Variants in NRG1 observed in about 807,000 individuals in gnomAD.
NRG1 encodes pro-neuregulin-1, membrane-bound isoform.
Under a neutral mutation model 63.8 loss-of-function variants are expected in NRG1, and 18 were observed. That is an observed-to-expected ratio of 0.28 (90% CI 0.19 to 0.42). The LOEUF (loss-of-function observed/expected upper bound fraction) is 0.42, where lower values mean the gene tolerates loss of function less well. Among genes scored for constraint, NRG1 ranks in the 10% least tolerant of loss-of-function variants. The pLI is 1.00. For synonymous variants in NRG1, 302 were observed against 301.3 expected, an observed-to-expected ratio of 1.00 and a Z score of -0.02; for missense variants, 762 against 814.7, an observed-to-expected ratio of 0.94 and a Z score of 0.79.
chr8:32,134,873 C>A (rs1835304760), intron 1 of NRG1, among the ~76,000 whole-genome samples: 1 of 152,036 alleles, frequency 6.6e-6, no homozygotes, highest in African/African-American at 2.4e-5. Flanking sequence ...TAGAGTGAGA[C>A]CCTGTCTCTA....
chr8:31,920,332 A>G (rs1833796383), intron 1 of NRG1, among the ~76,000 whole-genome samples: 1 of 152,172 alleles, frequency 6.6e-6, no homozygotes, highest in African/African-American at 2.4e-5. Context: ...TGTACATTCT[A>G]AATAGTAAAA....
intron 1 of NRG1, among the ~76,000 whole-genome samples, chr8:32,359,872 G>A (rs1000490425): frequency 6.6e-6 from 1 of 152,110 alleles, no homozygotes; most frequent in Non-Finnish European, 1.5e-5. Context: ...GAAAGATGAA[G>A]GGCCAGAGAT....
intron 1 of NRG1, among the ~76,000 whole-genome samples, chr8:31,771,989 C>G (rs1420556461): frequency 6.6e-6 from 1 of 152,196 alleles, no homozygotes; most frequent in Non-Finnish European, 1.5e-5. Context: ...AAACCTAGGT[C>G]AAGCCTGTTC....
chr8:32,233,563 A>ATATATAT (rs34593729), intron 1 of NRG1, among the ~76,000 whole-genome samples: 9,476 of 66,398 alleles, frequency 0.14, 942 homozygotes, highest in Admixed American at 0.18. Flanking sequence ...ATATATATAT[A>ATATATAT]TTTTTTTTTT....
chr8:32,380,390 T>C (rs1810197357), intron 1 of NRG1, among the ~76,000 whole-genome samples: 1 of 152,272 alleles, frequency 6.6e-6, no homozygotes, highest in South Asian at 2.1e-4. Flanking sequence ...ATATGCTCTT[T>C]TTAGGTGACC....
At chr8:32,762,038 C>CAAAAAAAAAAAAAAAAAAAAAAAAAAAA (rs11407724) in intron 11 of NRG1, among the ~76,000 whole-genome samples, 2 of 81,478 alleles carry the variant, frequency 2.5e-5, no homozygotes, top group African/African-American at 5.5e-5. Context: ...GACTCCGCCT[C>CAAAAAAAAAAAAAAAAAAAAAAAAAAAA]AAAAAAAAAA....
At chr8:31,922,585 T>C in intron 1 of NRG1, among the ~76,000 whole-genome samples, 1 of 152,302 alleles carries the variant, frequency 6.6e-6, no homozygotes, top group East Asian at 1.9e-4. Flanking sequence ...TTTTATGGGT[T>C]GAGCCTTTGA....
chr8:32,521,570 A>G (rs1830348085), intron 1 of NRG1, among the ~76,000 whole-genome samples: 1 of 152,218 alleles, frequency 6.6e-6, no homozygotes, highest in African/African-American at 2.4e-5. Context: ...AAACTCAAAG[A>G]CAGAGAAGGT....
At chr8:32,179,433 TGAAG>T (rs1175577930) in intron 1 of NRG1, among the ~76,000 whole-genome samples, 1 of 152,202 alleles carries the variant, frequency 6.6e-6, no homozygotes, top group African/African-American at 2.4e-5. Context: ...TTTCTACTAC[TGAAG>T]GATTTTCGTC....
chr8:31,998,040 G>A (rs2129633656), intron 1 of NRG1, among the ~76,000 whole-genome samples: 1 of 152,058 alleles, frequency 6.6e-6, no homozygotes, highest in Admixed American at 6.6e-5. Flanking sequence ...TTTTATAAAT[G>A]ACTTTTCTCA....
intron 1 of NRG1, among the ~76,000 whole-genome samples, chr8:32,106,853 T>C (rs1831331420): frequency 6.6e-6 from 1 of 152,204 alleles, no homozygotes; most frequent in South Asian, 2.1e-4. Flanking sequence ...TATTCATCTC[T>C]GTAAATATGA....
exon 12 of NRG1, chr8:32,764,354 G>C (rs1212899710): frequency 6.2e-7 from 1 of 1,612,186 alleles, no homozygotes; most frequent in Non-Finnish European, 8.5e-7. Context: ...AAGAAATCCA[G>C]GCCAGGCTGT....
intron 1 of NRG1, among the ~76,000 whole-genome samples, chr8:32,130,891 G>A (rs1467430417): frequency 6.6e-6 from 1 of 151,878 alleles, no homozygotes; most frequent in Non-Finnish European, 1.5e-5. Flanking sequence ...TGAGTTTCAG[G>A]TCATTACATT....
chr8:32,489,338 C>A lies in NRG1; in HGVS notation c.38-106490C>A, dbSNP rs10099043. ...TAGTGCATATGTGTGAGCCCCCTGC[C>A]CAACTCCTGGGACCTTATCGGGAAG... On this transcript the variant is annotated intron_variant, in intron 1 of 10. Transcript: ENST00000519301. Among the ~76,000 whole-genome samples the A allele has an allele frequency of 9.9e-3, 1,503 of 152,058 alleles. 34 individuals are homozygous for A. The highest frequency in any genetic ancestry group is 0.034 in the African/African-American group (1,429 of 41,456).
intron 1 of NRG1, among the ~76,000 whole-genome samples, chr8:31,888,765 C>T (rs897391521): frequency 1.3e-5 from 2 of 151,942 alleles, no homozygotes; most frequent in Non-Finnish European, 2.9e-5. Flanking sequence ...CTTTTCATGG[C>T]AGATTTTATA....
chr8:32,675,637 A>G (rs760713346), intron 5 of NRG1, among the ~76,000 whole-genome samples: 1 of 152,162 alleles, frequency 6.6e-6, no homozygotes, highest in Admixed American at 6.6e-5. Context: ...ATTGAGCAAC[A>G]GCTATATTCC....
At chr8:31,793,080 T>C (rs1490629548) in intron 1 of NRG1, among the ~76,000 whole-genome samples, 3 of 152,156 alleles carry the variant, frequency 2.0e-5, no homozygotes, top group East Asian at 1.9e-4. Flanking sequence ...TAAAGAACAA[T>C]AGCACCAACT....
At chr8:32,143,074 G>A (rs138369014) in intron 1 of NRG1, among the ~76,000 whole-genome samples, 8 of 152,276 alleles carry the variant, frequency 5.3e-5, no homozygotes, top group African/African-American at 1.9e-4. Context: ...AATTTCAGAT[G>A]TCAGTCAGCA....
intron 1 of NRG1, among the ~76,000 whole-genome samples, chr8:32,032,953 A>G (rs1586618535): frequency 1.3e-5 from 2 of 152,204 alleles, no homozygotes; most frequent in East Asian, 3.9e-4. Context: ...TGTAAGGTGT[A>G]AGGAAGGGGT....
Sources: allele counts gnomAD v4.1 joint callset (sites outside exome capture counted in the v4.1 genomes callset), GRCh38; gene constraint gnomAD v4.1.1; transcripts MANE v1.5; gene names NCBI Gene and HGNC (gene_info 2026-07-23, HGNC 2026-07-21).